ZNF169: variants seen among roughly 807,000 people sequenced by gnomAD.
The protein encoded by ZNF169 is zinc finger protein 169.
A neutral mutation model predicts 12.0 loss-of-function variants in ZNF169; 11 were observed. That is an observed-to-expected ratio of 0.92 (90% CI 0.58 to 1.52). The LOEUF (loss-of-function observed/expected upper bound fraction) is 1.52. ZNF169 is among the 40% of genes most tolerant of loss of function. The pLI is 0.00. For synonymous variants in ZNF169, 302 were observed against 286.5 expected, an observed-to-expected ratio of 1.05 and a Z score of -0.55; for missense variants, 722 against 744.0, an observed-to-expected ratio of 0.97 and a Z score of 0.34.
chr9:94,262,203 C>T (rs1195886963), intron 1 of ZNF169, among the ~76,000 whole-genome samples: 2 of 152,152 alleles, frequency 1.3e-5, no homozygotes, highest in Non-Finnish European at 2.9e-5. Context: ...TTGTCTGGCT[C>T]CTCATGGGTC....
intron 1 of ZNF169, among the ~76,000 whole-genome samples, chr9:94,271,171 CTGAAGCCT>C (rs1441549516): frequency 2.0e-5 from 3 of 149,532 alleles, no homozygotes; most frequent in Non-Finnish European, 1.5e-5. Flanking sequence ...TCATGGCTCA[CTGAAGCCT>C]TAACCTCCTG....
intron 2 of ZNF169, among the ~76,000 whole-genome samples, chr9:94,279,635 G>A (rs1175717289): frequency 1.9e-4 from 29 of 150,696 alleles, no homozygotes; most frequent in African/African-American, 7.1e-4. Context: ...GCAAGACTCT[G>A]TCTCAAAAAA....
intron 2 of ZNF169, among the ~76,000 whole-genome samples, chr9:94,282,589 A>G (rs148787952): frequency 0.013 from 1,936 of 152,322 alleles, 33 homozygotes; most frequent in Non-Finnish European, 0.018. Flanking sequence ...GTGACTTTGA[A>G]TAGAATGGGA....
At chr9:94,279,212 T>C (rs1830577703) in intron 2 of ZNF169, among the ~76,000 whole-genome samples, 1 of 151,758 alleles carries the variant, frequency 6.6e-6, no homozygotes, top group Admixed American at 6.6e-5. Context: ...GCCAACATGG[T>C]AAAACCCCAT....
At chr9:94,283,891 A>G (rs1830679971) in intron 2 of ZNF169, among the ~76,000 whole-genome samples, 1 of 151,122 alleles carries the variant, frequency 6.6e-6, no homozygotes, top group South Asian at 2.1e-4. Flanking sequence ...CAATAGGCTG[A>G]AACCCCATCT....
rs758620333 is a variant in ZNF169, at chr9:94,300,092, G to A, written c.534G>A (p.Gly178=). 1 of 1,614,154 alleles carries A rather than the reference G, an allele frequency of 6.2e-7. No individual in the cohort carries two copies. The highest frequency in any genetic ancestry group is 8.5e-7 in the Non-Finnish European group (1 of 1,180,034). Residue 178 remains glycine (G), a synonymous_variant, in exon 5 of 5, where the codon GGG becomes GGA. Transcript: ENST00000395395. ...GTGACCCAGTAGAATGGGTAGAAGG[G>A]AACAGAGAAGGAGGAACAGACCTTC... ...HQGDPVEWVE[G]NREGGTDLRL...
At chr9:94,291,155 A>T (rs1830826222) in intron 2 of ZNF169, among the ~76,000 whole-genome samples, 1 of 147,740 alleles carries the variant, frequency 6.8e-6, no homozygotes, top group African/African-American at 2.5e-5. Flanking sequence ...CCCAGGTTCA[A>T]GCAATTCTCT....
chr9:94,282,388 A>T (rs1318238168), intron 2 of ZNF169, among the ~76,000 whole-genome samples: 1 of 152,218 alleles, frequency 6.6e-6, no homozygotes, highest in African/African-American at 2.4e-5. Flanking sequence ...GACGACGTCA[A>T]TCAATGTATG....
At chr9:94,288,570 A>G in intron 2 of ZNF169, 1 of 462,930 alleles carries the variant, frequency 2.2e-6, no homozygotes, top group Non-Finnish European at 4.2e-6. Context: ...GGTGGCGGCA[A>G]CAGGCTCAGA....
At position 94,265,767 on chromosome 9, in the gene ZNF169, G is replaced by C. The variant is rs1357293209; in HGVS notation, c.-56+6422G>C. Among the ~76,000 whole-genome samples, 11 of 152,138 alleles carry C rather than the reference G, an allele frequency of 7.2e-5. No homozygotes were observed. In the East Asian group the frequency reaches 2.1e-3, roughly 29 times the overall value. ...TTAATCTAAGTGGGTCCAGGTGCTG[G>C]GGTGATTACCCTTATCTTATCTCCT... is the stretch of plus-strand genomic sequence containing the variant. On this transcript the variant is annotated intron_variant, in intron 1 of 4. Transcript: ENST00000395395.
intron 1 of ZNF169, among the ~76,000 whole-genome samples, chr9:94,266,983 A>T (rs922950272): frequency 6.7e-6 from 1 of 149,530 alleles, no homozygotes; most frequent in East Asian, 2.0e-4. Flanking sequence ...ATCTTGGCTC[A>T]CTGCAACCTC....
chr9:94,287,874 T>C (rs1830747873), intron 2 of ZNF169: 1 of 1,003,158 alleles, frequency 1.0e-6, no homozygotes, highest in Non-Finnish European at 1.6e-6. Flanking sequence ...AGGGTCGATC[T>C]GATACTTGGC....
chr9:94,293,280 A>G, intron 4 of ZNF169: 1 of 601,414 alleles, frequency 1.7e-6, no homozygotes. Flanking sequence ...TTCCTCCATC[A>G]GGGAGCCTCA....
chr9:94,267,851 A>G (rs1385130591), intron 1 of ZNF169, among the ~76,000 whole-genome samples: 1 of 148,758 alleles, frequency 6.7e-6, no homozygotes, highest in Non-Finnish European at 1.5e-5. Flanking sequence ...AGCTGATTAT[A>G]AAACTGCCTT....
rs59027045 is a variant in ZNF169 at position 94,291,047 on chromosome 9, C to CTTTTTTTTT, written c.34-1277_34-1269dup. On this transcript the variant is annotated intron_variant, in intron 2 of 4. Coordinates refer to ENST00000395395, the MANE Select transcript of ZNF169 (RefSeq NM_194320.4). ...TGATTCTGGTCTATGGAACAGTATTCTTTTTTTTTTTTTTTTTTTTTTTTT... is the reference window on the plus strand; with the variant it reads ...TGATTCTGGTCTATGGAACAGTATTCTTTTTTTTTTTTTTTTTTTTTTTTTTTTTTTTTT... Among the ~76,000 whole-genome samples the CTTTTTTTTT allele has an allele frequency of 3.0e-4, 18 of 59,598 alleles. 1 individual carries two copies. The highest frequency in any genetic ancestry group is 1.6e-3 in the Admixed American group (6 of 3,764). The allele number at this position is 59,598 out of a possible 152,430, so 39.1% of individuals were successfully genotyped here.
chr9:94,297,571 G>A (rs544511167), intron 4 of ZNF169, among the ~76,000 whole-genome samples: 1 of 152,280 alleles, frequency 6.6e-6, no homozygotes, highest in African/African-American at 2.4e-5. Flanking sequence ...AGCTGCTGAA[G>A]TTCCCTCTTG....
chr9:94,265,366 G>A (rs1371249515), intron 1 of ZNF169, among the ~76,000 whole-genome samples: 1 of 151,980 alleles, frequency 6.6e-6, no homozygotes, highest in Non-Finnish European at 1.5e-5. Context: ...GATCACTTGA[G>A]GTCAGGAGTT....
intron 1 of ZNF169, among the ~76,000 whole-genome samples, chr9:94,269,789 G>T (rs1171130831): frequency 2.0e-5 from 3 of 152,180 alleles, no homozygotes; most frequent in Non-Finnish European, 4.4e-5. Context: ...ACATGTAAGT[G>T]TGCATTTGTC....
At chr9:94,272,503 A>G (rs993369072) in intron 1 of ZNF169, among the ~76,000 whole-genome samples, 1 of 152,004 alleles carries the variant, frequency 6.6e-6, no homozygotes, top group Admixed American at 6.6e-5. Flanking sequence ...CAGTTTAATT[A>G]CTTTAGTATT....
Sources: gnomAD v4.1 joint callset for allele counts (sites outside exome capture counted in the v4.1 genomes callset) on GRCh38, gnomAD v4.1.1 for gene constraint, MANE v1.5 for transcripts, NCBI Gene and HGNC (gene_info 2026-07-23, HGNC 2026-07-21) for gene names.